MFSD2B: variants seen among roughly 807,000 people sequenced by gnomAD.
The protein encoded by MFSD2B is MFSD2 lysolipid transporter B, sphingolipid.
A neutral mutation model predicts 58.4 loss-of-function variants in MFSD2B; 56 were observed. The ratio of observed to expected loss-of-function variants is 0.96; its 90% CI spans 0.77 to 1.20. The LOEUF is 1.20. Ranked by LOEUF, MFSD2B falls within the 50% of genes most tolerant of loss-of-function variation. MFSD2B has a pLI of 0.00. For missense variants in MFSD2B, 645 were observed against 667.6 expected, an observed-to-expected ratio of 0.97 and a Z score of 0.37; for synonymous variants, 287 against 294.4, an observed-to-expected ratio of 0.97 and a Z score of 0.26.
intron 6 of MFSD2B, chr2:24,018,717 G>GAA (rs550408376): frequency 8.1e-4 from 120 of 147,896 alleles, no homozygotes; most frequent in East Asian, 2.4e-3. Flanking sequence ...TCCTTTTCTG[G>GAA]AAAAAAAAAA....
intron 6 of MFSD2B, chr2:24,018,717 GAAAA>G (rs550408376): frequency 1.5e-4 from 22 of 148,008 alleles, no homozygotes; most frequent in East Asian, 8.7e-4. Context: ...TCCTTTTCTG[GAAAA>G]AAAAAAAAAA....
In MFSD2B at chr2:24,010,151, G is replaced by T. The variant is rs912472979; in HGVS notation, c.55G>T (p.Ala19Ser). ...GGGGTCCCCGCAGCCGGAGCCGCAC[G>T]CCCCAGAGCCCGGCCCGGGGAGCGC... is the stretch of plus-strand genomic sequence containing the variant. ...AKGSPQPEPH[A>S]PEPGPGSAKR... The change falls in exon 1 of 14, where the codon GCC becomes TCC. Residue 19 changes from alanine to serine, a missense_variant. By Grantham distance (99) the Ala-to-Ser change is moderately conservative. Coordinates refer to ENST00000338315, the MANE Select transcript of MFSD2B (RefSeq NM_001346880.2). The T allele has an allele frequency of 6.9e-6, 10 of 1,452,398 alleles. No individual in the cohort carries two copies. Among genetic ancestry groups the T allele is most frequent in the Non-Finnish European group, 9.0e-6 (10 of 1,107,740 alleles). 90.0% of individuals were successfully genotyped at this position (1,452,398 alleles called of 1,614,324 possible).
At chr2:24,011,685 T>C (rs1024107558) in intron 1 of MFSD2B, among the ~76,000 whole-genome samples, 6 of 152,206 alleles carry the variant, frequency 3.9e-5, no homozygotes, top group Admixed American at 6.6e-5. Flanking sequence ...TCAACGGATA[T>C]ATACTAAGCA....
rs143712200 is a variant in MFSD2B, at chr2:24,023,513, G to A, written c.1170-70G>A. The stretch of plus-strand genomic sequence containing the variant: ...CAGGGATGAATCCACTTTGGCCTCC[G>A]TCCCCAGAGAATTCACAGGCTGCTG... On this transcript the variant is annotated intron_variant, in intron 11 of 13. Coordinates refer to ENST00000338315, the MANE Select transcript of MFSD2B (RefSeq NM_001346880.2). The surrounding 1 kb of genome is among the most constrained non-coding windows in gnomAD (Gnocchi z 5.0). The A allele has an allele frequency of 1.5e-4, 229 of 1,533,320 alleles. No homozygotes were observed. The African/African-American group carries it at 2.0e-3, about 13-fold the overall frequency. The allele number at this position is 1,533,320 out of a possible 1,614,324, so 95.0% of individuals were successfully genotyped here. A position where few individuals can be genotyped will look rare whatever the true frequency, so the allele number is the denominator to read the frequency against.
At chr2:24,025,371 G>C (rs111315365) in intron 13 of MFSD2B, 61 bp from the exon 14 acceptor site, 1 of 1,492,102 alleles carries the variant, frequency 6.7e-7, no homozygotes, top group African/African-American at 1.4e-5. Flanking sequence ...GGGCTTCTGC[G>C]GCAGGACAGA....
intron 2 of MFSD2B, 103 bp from the exon 3 acceptor site, chr2:24,016,053 C>G (rs544579672): frequency 2.1e-6 from 3 of 1,429,578 alleles, no homozygotes; most frequent in Non-Finnish European, 2.9e-6. Flanking sequence ...CTCTGCCCTC[C>G]GGTCCCGGTT....
chr2:24,020,302 C>T lies in MFSD2B; in HGVS notation c.682-1346C>T, dbSNP rs1662721104. ...CCACTGTCCCATCAGATTTCACTTA[C>T]AAAATTGAAATCCATTATAAAATTA... On this transcript the variant is annotated intron_variant, in intron 6 of 13. Transcript: ENST00000338315. This position sits in a 1 kb window ranked among gnomAD's most constrained non-coding sequence, Gnocchi z 4.1. Among the ~76,000 whole-genome samples, 1 of 152,170 alleles carries T rather than the reference C, an allele frequency of 6.6e-6. No homozygotes were observed.
chr2:24,014,581 A>G (rs751538479), intron 2 of MFSD2B, among the ~76,000 whole-genome samples: 1 of 152,224 alleles, frequency 6.6e-6, no homozygotes, highest in African/African-American at 2.4e-5. Context: ...AGTGATTTCC[A>G]TGATGCTCTG....
chr2:24,019,854 G>A (rs1662699116), intron 6 of MFSD2B, among the ~76,000 whole-genome samples: 1 of 152,152 alleles, frequency 6.6e-6, no homozygotes, highest in African/African-American at 2.4e-5. Context: ...GATTGGGATA[G>A]GTGAGAGGCC....
rs1159328244 is a variant in MFSD2B, at chr2:24,020,314, C to T, written c.682-1334C>T. Among the ~76,000 whole-genome samples the T allele has an allele frequency of 1.3e-5, 2 of 152,130 alleles. No homozygotes were observed. Among genetic ancestry groups the T allele is most frequent in the Non-Finnish European group, 2.9e-5 (2 of 68,006 alleles). The stretch of plus-strand genomic sequence containing the variant: ...CAGATTTCACTTACAAAATTGAAAT[C>T]CATTATAAAATTATTAAGAATCTCA... On this transcript the variant is annotated intron_variant, in intron 6 of 13. Coordinates refer to ENST00000338315, the MANE Select transcript of MFSD2B (RefSeq NM_001346880.2). This position sits in a 1 kb window ranked among gnomAD's most constrained non-coding sequence, Gnocchi z 4.1.
chr2:24,022,684 A>T lies in MFSD2B; in HGVS notation c.979-138A>T, dbSNP rs940982380. 1.2e-6 allele frequency: 1 copy of T among 841,766 alleles called. No individual in the cohort carries two copies. Among genetic ancestry groups the T allele is most frequent in the East Asian group, 2.7e-5 (1 of 37,376 alleles). The allele number at this position is 841,766 out of a possible 1,614,324, so 52.1% of individuals were successfully genotyped here. A position where few individuals can be genotyped will look rare whatever the true frequency, so the allele number is the denominator to read the frequency against. ...AGCAGAGGGTAGAATTGGGGCCAGG[A>T]TTACAACATTCATAGCCACCGGTTT... On this transcript the variant is annotated intron_variant, in intron 9 of 13. Coordinates refer to ENST00000338315, the MANE Select transcript of MFSD2B (RefSeq NM_001346880.2). The surrounding 1 kb of genome is among the most constrained non-coding windows in gnomAD (Gnocchi z 4.5).
rs934278768 is a variant in MFSD2B at position 24,017,656 on chromosome 2, G to C, written c.681+68G>C. ...TCTGCAGGGTCACCTCCTTCCTCTAGGGCTGGTTCTCCCGTCCACACCACT... is the reference window on the plus strand; with the variant it reads ...TCTGCAGGGTCACCTCCTTCCTCTACGGCTGGTTCTCCCGTCCACACCACT... On this transcript the variant is annotated intron_variant, in intron 6 of 13. Coordinates refer to ENST00000338315, the MANE Select transcript of MFSD2B (RefSeq NM_001346880.2). This position sits in a 1 kb window ranked among gnomAD's most constrained non-coding sequence, Gnocchi z 4.8. 6.8e-7 allele frequency: 1 copy of C among 1,469,656 alleles called. No individual in the cohort carries two copies. The highest frequency in any genetic ancestry group is 9.1e-7 in the Non-Finnish European group (1 of 1,098,656). 91.0% of individuals were successfully genotyped at this position (1,469,656 alleles called of 1,614,324 possible).
Position 24,021,088 on chromosome 2 carries a change from G to A in MFSD2B, c.682-560G>A, listed in dbSNP as rs550220482. Among the ~76,000 whole-genome samples, 26 of 151,768 alleles carry A rather than the reference G, an allele frequency of 1.7e-4. No individual in the cohort carries two copies. Among genetic ancestry groups the A allele is most frequent in the African/African-American group, 6.0e-4 (25 of 41,350 alleles). On this transcript the variant is annotated intron_variant, in intron 6 of 13. Coordinates refer to ENST00000338315, the MANE Select transcript of MFSD2B (RefSeq NM_001346880.2). The surrounding 1 kb of genome is among the most constrained non-coding windows in gnomAD (Gnocchi z 5.7). ...AATGTTTGTATTTTTAGTAGAGATG[G>A]GGTTTCACGATGTTGGCCAGGCTGG...
chr2:24,023,412 C>A lies in MFSD2B; in HGVS notation c.1170-171C>A. ...GGCAGTAGGAATGGCGGGGGGCCGG[C>A]AGGGGGCTGGCGGGGGGTACGAGCA... On this transcript the variant is annotated intron_variant, in intron 11 of 13. Transcript: ENST00000338315. This position sits in a 1 kb window ranked among gnomAD's most constrained non-coding sequence, Gnocchi z 5.0. 2 of 931,040 alleles carry A rather than the reference C, an allele frequency of 2.1e-6. No homozygotes were observed. Among genetic ancestry groups the A allele is most frequent in the Non-Finnish European group, 3.2e-6 (2 of 619,518 alleles). The allele number at this position is 931,040 out of a possible 1,614,324, so 57.7% of individuals were successfully genotyped here.
chr2:24,023,392 T>C lies in MFSD2B; in HGVS notation c.1169+153T>C. On this transcript the variant is annotated intron_variant, in intron 11 of 13. Transcript: ENST00000338315. This position sits in a 1 kb window ranked among gnomAD's most constrained non-coding sequence, Gnocchi z 5.0. The stretch of plus-strand genomic sequence containing the variant: ...GCCCTCCTGAGAGGACATCAGGCAG[T>C]AGGAATGGCGGGGGGCCGGCAGGGG... 1.1e-6 allele frequency: 1 copy of C among 904,432 alleles called. No homozygotes were observed. Among genetic ancestry groups the C allele is most frequent in the Admixed American group, 2.3e-5 (1 of 44,026 alleles). 56.0% of individuals were successfully genotyped at this position (904,432 alleles called of 1,614,324 possible). A position where few individuals can be genotyped will look rare whatever the true frequency, so the allele number is the denominator to read the frequency against.
In MFSD2B at chr2:24,020,457, C is replaced by T. The variant is rs2150941231; in HGVS notation, c.682-1191C>T. Among the ~76,000 whole-genome samples the T allele has an allele frequency of 6.6e-6, 1 of 152,292 alleles. No individual in the cohort carries two copies. Among genetic ancestry groups the T allele is most frequent in the Admixed American group, 6.5e-5 (1 of 15,298 alleles). Reference sequence around the variant, plus strand: ...CCTGCGCCCTCCCTCTCCTCCCCTCCCCAGAGGCAGCCTCTGTCCCGAACT... The same window carrying T: ...CCTGCGCCCTCCCTCTCCTCCCCTCTCCAGAGGCAGCCTCTGTCCCGAACT... On this transcript the variant is annotated intron_variant, in intron 6 of 13. Coordinates refer to ENST00000338315, the MANE Select transcript of MFSD2B (RefSeq NM_001346880.2). This position sits in a 1 kb window ranked among gnomAD's most constrained non-coding sequence, Gnocchi z 4.1.
Position 24,025,532 on chromosome 2 carries a change from A to G in MFSD2B, c.*76A>G. 1 of 1,338,596 alleles carries G rather than the reference A, an allele frequency of 7.5e-7. No individual in the cohort carries two copies. The highest frequency in any genetic ancestry group is 2.0e-5 in the Admixed American group (1 of 50,664). The allele number at this position is 1,338,596 out of a possible 1,614,324, so 82.9% of individuals were successfully genotyped here. A position where few individuals can be genotyped will look rare whatever the true frequency, so the allele number is the denominator to read the frequency against. ...CTGACATCGCCCTCCTCAGCCCTCC[A>G]GCACCTGGTCTGGCAGTTTAGTATG... On this transcript the variant is annotated 3_prime_UTR_variant, in exon 14 of 14. Coordinates refer to ENST00000338315, the MANE Select transcript of MFSD2B (RefSeq NM_001346880.2).
chr2:24,016,759 G>C, intron 3 of MFSD2B, 86 bp from the exon 4 acceptor site: 5 of 1,529,206 alleles, frequency 3.3e-6, no homozygotes, highest in Non-Finnish European at 4.4e-6. Context: ...AAGGGGCAGA[G>C]AAGGGGTGGG....
Position 24,017,220 on chromosome 2 carries a change from T to G in MFSD2B, c.472-66T>G. The G allele has an allele frequency of 6.7e-7, 1 of 1,489,742 alleles. No homozygotes were observed. The highest frequency in any genetic ancestry group is 9.1e-7 in the Non-Finnish European group (1 of 1,096,504). 92.3% of individuals were successfully genotyped at this position (1,489,742 alleles called of 1,614,324 possible). A position where few individuals can be genotyped will look rare whatever the true frequency, so the allele number is the denominator to read the frequency against. ...GGGTGTCGGGATGTGACACCCAGGATGGGGGAGGTCGCCCGCTGTCACCAG... is the reference window on the plus strand; with the variant it reads ...GGGTGTCGGGATGTGACACCCAGGAGGGGGGAGGTCGCCCGCTGTCACCAG... On this transcript the variant is annotated intron_variant, in intron 4 of 13. Transcript: ENST00000338315. This position sits in a 1 kb window ranked among gnomAD's most constrained non-coding sequence, Gnocchi z 4.8.
Sources: allele counts gnomAD v4.1 joint callset (sites outside exome capture counted in the v4.1 genomes callset), GRCh38; gene constraint gnomAD v4.1.1; non-coding constraint Gnocchi (gnomAD v3.1); transcripts MANE v1.5; gene names NCBI Gene and HGNC (gene_info 2026-07-23, HGNC 2026-07-21).